Variants in MACF1 observed in about 807,000 individuals in gnomAD.
MACF1 encodes microtubule-actin cross-linking factor 1.
In MACF1, 193 loss-of-function variants were observed where a neutral mutation model predicts 854.8. The observed-to-expected ratio is 0.23, with a 90% CI of 0.20 to 0.25. The LOEUF is 0.25. Among genes scored for constraint, MACF1 ranks in the 10% least tolerant of loss-of-function variants. The pLI, the probability that MACF1 is intolerant of heterozygous loss-of-function variation, is 1.00. For missense variants in MACF1, 7,722 were observed against 8,929.1 expected, an observed-to-expected ratio of 0.86 and a Z score of 5.45; for synonymous variants, 3,185 against 3,226.7, an observed-to-expected ratio of 0.99 and a Z score of 0.44.
chr1:39,391,126 C>T (rs1642018115), intron 58 of MACF1, among the ~76,000 whole-genome samples: 1 of 150,804 alleles, frequency 6.6e-6, no homozygotes, highest in Admixed American at 6.6e-5. Flanking sequence ...AAAAAAAACA[C>T]ACAAAATAGT....
chr1:39,105,507 G>C lies in MACF1; in HGVS notation c.220+21069G>C, dbSNP rs1056354846. 9.9e-7 allele frequency: 1 copy of C among 1,014,800 alleles called. No individual in the cohort carries two copies. The highest frequency in any genetic ancestry group is 1.7e-5 in the African/African-American group (1 of 57,284). 62.9% of individuals were successfully genotyped at this position (1,014,800 alleles called of 1,614,324 possible). A position where few individuals can be genotyped will look rare whatever the true frequency, so the allele number is the denominator to read the frequency against. On this transcript the variant is annotated intron_variant, in intron 2 of 93. Coordinates refer to the MACF1 transcript ENST00000361689. The surrounding 1 kb of genome is among the most constrained non-coding windows in gnomAD (Gnocchi z 5.9). ...GGCGGGCGGACGGCGGAGAGCGAGG[G>C]CGCCGTCGCCGTCTCTGAGACGCAC...
At chr1:39,111,909 C>G (rs1488246241) in intron 2 of MACF1, among the ~76,000 whole-genome samples, 1 of 151,990 alleles carries the variant, frequency 6.6e-6, no homozygotes, top group Admixed American at 6.6e-5. Context: ...TCTTTCAGGG[C>G]TTTTCATAAT....
At position 39,335,865 on chromosome 1, in the gene MACF1, A is replaced by G; in HGVS notation, c.9277A>G (p.Ile3093Val). Reference sequence around the variant, plus strand: ...ACCAGAAGAAAACTTATCTCGAGAAATTGCCTGTGGGGCCCAGAGTGAACC... The same window carrying G: ...ACCAGAAGAAAACTTATCTCGAGAAGTTGCCTGTGGGGCCCAGAGTGAACC... ...LKPEENLSRE[I>V]ACGAQSEPFP... Residue 3093 changes from isoleucine to valine, a missense_variant, in exon 37 of 101, where the codon ATT (isoleucine) becomes GTT (valine). By Grantham distance (29) the Ile-to-Val change is conservative (BLOSUM62 3). Around this residue, in one of 15 missense-constraint regions of MACF1, gnomAD observed 854 missense variants for 852.6 expected, o/e 1.00. Transcript: ENST00000564288. 1.9e-6 allele frequency: 3 copies of G among 1,614,108 alleles called. No homozygotes were observed. Among genetic ancestry groups the G allele is most frequent in the African/African-American group, 1.3e-5 (1 of 75,000 alleles).
At chr1:39,319,071 A>G (rs1303172866) in intron 30 of MACF1, among the ~76,000 whole-genome samples, 1 of 151,296 alleles carries the variant, frequency 6.6e-6, no homozygotes, top group Non-Finnish European at 1.5e-5. Flanking sequence ...CTGGAGTTGT[A>G]TTGCCTGGAT....
chr1:39,282,423 TTGTTTGTAATTAGTTATAATAC>T, intron 7 of MACF1, 49 bp downstream of exon 7: 1 of 1,550,774 alleles, frequency 6.4e-7, no homozygotes, highest in Non-Finnish European at 8.8e-7. Context: ...TTCTCATCTC[TTGTTTGTAATTAGTTATAATAC>T]TGTTTCCATC....
At chr1:39,448,479 AG>A in intron 83 of MACF1, 114 bp from the exon 84 acceptor site, 3 of 814,294 alleles carry the variant, frequency 3.7e-6, no homozygotes, top group African/African-American at 3.4e-5. Context: ...GTTCAAAAAA[AG>A]TGGTGATATT....
intron 2 of MACF1, among the ~76,000 whole-genome samples, chr1:39,133,518 CCTCCTCCTCATCCTTT>C (rs1464293603): frequency 6.6e-6 from 1 of 151,772 alleles, no homozygotes; most frequent in Non-Finnish European, 1.5e-5. Context: ...CCTTCCTCGT[CCTCCTCCTCATCCTTT>C]CTCCTCCTCC....
chr1:39,380,801 A>G (rs1209077111), intron 55 of MACF1, among the ~76,000 whole-genome samples: 2 of 152,116 alleles, frequency 1.3e-5, no homozygotes, highest in Admixed American at 6.6e-5. Context: ...AGTCCTAGCT[A>G]CTGGGGAGGC....
Position 39,226,566 on chromosome 1 carries a change from C to T in MACF1, c.110-4616C>T, listed in dbSNP as rs555835714. Among the ~76,000 whole-genome samples, 16 of 152,182 alleles carry T rather than the reference C, an allele frequency of 1.1e-4. No homozygotes were observed. The South Asian group carries it at 3.3e-3, about 32-fold the overall frequency. On this transcript the variant is annotated intron_variant, in intron 1 of 100. Coordinates refer to ENST00000564288, the MANE Select transcript of MACF1 (RefSeq NM_001394062.1). ...ATGTTGGTCAGGCTGGTCTCGAACG[C>T]CTGACCTCGTGATCCACCCGCCTCA...
chr1:39,381,950 C>T lies in MACF1; in HGVS notation c.13649-3C>T, dbSNP rs1305218031. ...AATACATTCCCTCATTTCCTCTCTA[C>T]AGATTCCCGATGGGAAAGGGCCACT... On this transcript the variant is annotated splice_region_variant and splice_polypyrimidine_tract_variant and intron_variant, in intron 55 of 100. Transcript: ENST00000564288. 1 of 1,612,296 alleles carries T rather than the reference C, an allele frequency of 6.2e-7. No homozygotes were observed. Among genetic ancestry groups the T allele is most frequent in the Non-Finnish European group, 8.5e-7 (1 of 1,178,676 alleles).
chr1:39,256,145 G>C (rs1016689652), intron 5 of MACF1, among the ~76,000 whole-genome samples: 1 of 152,194 alleles, frequency 6.6e-6, no homozygotes, highest in African/African-American at 2.4e-5. Flanking sequence ...AGGTGATGAT[G>C]AGGCAGGAAA....
chr1:39,129,544 T>C (rs575655044), intron 2 of MACF1, among the ~76,000 whole-genome samples: 9 of 152,310 alleles, frequency 5.9e-5, no homozygotes, highest in African/African-American at 2.2e-4. Context: ...AGGCTTAGGT[T>C]AGATTTAGGA....
intron 2 of MACF1, among the ~76,000 whole-genome samples, chr1:39,108,667 C>T (rs1237605272): frequency 6.6e-6 from 1 of 152,062 alleles, no homozygotes; most frequent in Admixed American, 6.6e-5. Context: ...GATTTTATTC[C>T]TCTCCTAGGA....
chr1:39,124,695 T>C (rs141987540), intron 2 of MACF1, among the ~76,000 whole-genome samples: 21 of 152,382 alleles, frequency 1.4e-4, no homozygotes, highest in East Asian at 5.8e-4. Flanking sequence ...ATGGTAGTTA[T>C]AGCAGCAGCA....
At chr1:39,425,506 A>G (rs1436706486) in intron 61 of MACF1, among the ~76,000 whole-genome samples, 4 of 152,232 alleles carry the variant, frequency 2.6e-5, no homozygotes, top group Non-Finnish European at 4.4e-5. Context: ...TGCTTAAAAT[A>G]AAATATAAAC....
At chr1:39,482,720 G>C (rs1303651670) in intron 99 of MACF1, among the ~76,000 whole-genome samples, 1 of 150,668 alleles carries the variant, frequency 6.6e-6, no homozygotes, top group Non-Finnish European at 1.5e-5. Flanking sequence ...CTTGAACCTG[G>C]GAGGCAGAGG....
chr1:39,146,251 T>C (rs888471144), intron 2 of MACF1, among the ~76,000 whole-genome samples: 1 of 152,144 alleles, frequency 6.6e-6, no homozygotes, highest in Non-Finnish European at 1.5e-5. Context: ...AAGACAAGCC[T>C]GGCCAACATG....
At position 39,316,966 on chromosome 1, in the gene MACF1, A is replaced by G. The variant is rs532793333; in HGVS notation, c.3589-248A>G. 8.5e-5 allele frequency among the ~76,000 whole-genome samples: 13 copies of G among 152,370 alleles called. No individual in the cohort carries two copies. In the East Asian group the frequency reaches 1.7e-3, roughly 20 times the overall value. ...TGGTTTCATATGTTATAAGTGGTGA[A>G]GCCAGGTTTCAAACACAAGTTCTAT... On this transcript the variant is annotated intron_variant, in intron 28 of 100. Coordinates refer to ENST00000564288, the MANE Select transcript of MACF1 (RefSeq NM_001394062.1).
At chr1:39,150,132 C>T (rs1379882526) in intron 2 of MACF1, among the ~76,000 whole-genome samples, 1 of 152,048 alleles carries the variant, frequency 6.6e-6, no homozygotes, top group Non-Finnish European at 1.5e-5. Flanking sequence ...ATCCTCCCAC[C>T]CCAGCTTCCC....
Sources: allele counts gnomAD v4.1 joint callset (sites outside exome capture counted in the v4.1 genomes callset), GRCh38; gene constraint gnomAD v4.1.1; regional missense constraint gnomAD v4.1.1; non-coding constraint Gnocchi (gnomAD v3.1); transcripts MANE v1.5; gene names NCBI Gene and HGNC (gene_info 2026-07-23, HGNC 2026-07-21).